The following UNC13C variants were observed in gnomAD, a reference collection of about 807,000 sequenced individuals.
UNC13C encodes the protein protein unc-13 homolog C.
In UNC13C, 174 loss-of-function variants were observed where a neutral mutation model predicts 245.4. The ratio of observed to expected loss-of-function variants is 0.71; its 90% confidence interval spans 0.63 to 0.80. The LOEUF is 0.80. Among genes scored for constraint, UNC13C ranks in the 30% least tolerant of loss-of-function variants. The pLI is 0.00. For synonymous variants in UNC13C, 992 were observed against 895.1 expected (o/e 1.11, Z -1.93); for missense variants, 2,829 against 2,602.9 (o/e 1.09, Z -1.89).
chr15:54,318,508 A>G (rs2038066799), intron 13 of UNC13C, among the ~76,000 whole-genome samples: 1 of 151,728 alleles, frequency 6.6e-6, no homozygotes, highest in Non-Finnish European at 1.5e-5. Flanking sequence ...TATACCTTTC[A>G]GCCTTTTCTG....
intron 19 of UNC13C, among the ~76,000 whole-genome samples, chr15:54,474,791 C>T (rs2414319): frequency 0.3 from 46,180 of 151,580 alleles, 7,471 homozygotes; most frequent in East Asian, 0.52. Flanking sequence ...GTACAAGAAG[C>T]ATGGTGCCAG....
intron 17 of UNC13C, among the ~76,000 whole-genome samples, chr15:54,346,236 T>C (rs567343346): frequency 6.6e-6 from 1 of 150,794 alleles, no homozygotes; most frequent in South Asian, 2.1e-4. Flanking sequence ...AAAAATAACA[T>C]TTAAAGAAAA....
chr15:54,265,317 A>T (rs1461859199), intron 9 of UNC13C, 38 bp from the exon 10 acceptor site: 3 of 1,366,668 alleles, frequency 2.2e-6, no homozygotes, highest in Non-Finnish European at 2.9e-6. Context: ...GTTTCTGAGG[A>T]CTCTGTATGT....
At chr15:54,589,497 C>T (rs965403893) in intron 30 of UNC13C, among the ~76,000 whole-genome samples, 3 of 151,652 alleles carry the variant, frequency 2.0e-5, no homozygotes, top group African/African-American at 7.3e-5. Flanking sequence ...CAGGATTTCA[C>T]CATGTTGACC....
chr15:53,895,245 T>G, the UNC13C span, among the ~76,000 whole-genome samples: 1 of 146,230 alleles, frequency 6.8e-6, no homozygotes, highest in Non-Finnish European at 1.5e-5. Flanking sequence ...GCGTCTGTAA[T>G]CCCAGTTACT....
intron 9 of UNC13C, 96 bp from the exon 10 acceptor site, chr15:54,265,259 C>T (rs1175621574): frequency 9.3e-7 from 1 of 1,077,630 alleles, no homozygotes; most frequent in East Asian, 3.0e-5. Flanking sequence ...ATCTATAAGC[C>T]CAAAGAACCA....
intron 10 of UNC13C, among the ~76,000 whole-genome samples, chr15:54,275,348 T>C (rs544632187): frequency 9.8e-5 from 15 of 152,310 alleles, no homozygotes; most frequent in Admixed American, 2.0e-4. Flanking sequence ...ATAGCATTAG[T>C]TATTAGGGAA....
intron 13 of UNC13C, chr15:54,321,204 A>ATGG (rs2038148567): frequency 2.0e-6 from 1 of 500,264 alleles, no homozygotes; most frequent in Non-Finnish European, 3.9e-6. Context: ...TGACAGCCTT[A>ATGG]TTTATGGAGC....
At chr15:54,273,530 A>C (rs1162678219) in intron 10 of UNC13C, among the ~76,000 whole-genome samples, 1 of 152,168 alleles carries the variant, frequency 6.6e-6, no homozygotes, top group Non-Finnish European at 1.5e-5. Flanking sequence ...TTTTTCAATA[A>C]TTAGCTCAGT....
chr15:54,091,803 C>G (rs1196155272), intron 2 of UNC13C, among the ~76,000 whole-genome samples: 3 of 151,886 alleles, frequency 2.0e-5, no homozygotes, highest in African/African-American at 7.3e-5. Flanking sequence ...ATTTTTGCTG[C>G]ACAGGACTTC....
At chr15:53,868,704 G>A in the UNC13C span, among the ~76,000 whole-genome samples, 1 of 152,186 alleles carries the variant, frequency 6.6e-6, no homozygotes, top group South Asian at 2.1e-4. Flanking sequence ...ATGCGGTCTG[G>A]AGGGAAAAAG....
At chr15:53,871,597 G>T in the UNC13C span, among the ~76,000 whole-genome samples, 6 of 152,260 alleles carry the variant, frequency 3.9e-5, no homozygotes, top group South Asian at 1.2e-3. Flanking sequence ...GCACAGAGTA[G>T]GTCTTTAGTA....
chr15:53,979,098 T>G (rs1217894232), intron 1 of UNC13C, among the ~76,000 whole-genome samples, 171 bp downstream of exon 1: 2 of 151,818 alleles, frequency 1.3e-5, no homozygotes, highest in Non-Finnish European at 2.9e-5. Flanking sequence ...ATGTACATGA[T>G]TCTATGGAGC....
chr15:53,942,319 G>T, the UNC13C span, among the ~76,000 whole-genome samples: 1 of 152,014 alleles, frequency 6.6e-6, no homozygotes, highest in African/African-American at 2.4e-5. Context: ...ACCAAACACC[G>T]CATGTTCTCA....
chr15:54,256,145 C>CAGTT (rs572332936), intron 8 of UNC13C, among the ~76,000 whole-genome samples: 6 of 152,136 alleles, frequency 3.9e-5, no homozygotes, highest in Non-Finnish European at 8.8e-5. Flanking sequence ...TCTGTGAAAA[C>CAGTT]AGTTAATAAT....
intron 4 of UNC13C, among the ~76,000 whole-genome samples, chr15:54,165,183 T>C (rs77827559): frequency 0.019 from 2,850 of 152,228 alleles, 72 homozygotes; most frequent in East Asian, 0.092. Context: ...AGAAATACTT[T>C]AAAGAAATAT....
chr15:53,937,677 G>A, the UNC13C span, among the ~76,000 whole-genome samples: 1 of 152,210 alleles, frequency 6.6e-6, no homozygotes, highest in Non-Finnish European at 1.5e-5. Flanking sequence ...CAGACTAACA[G>A]TGGACCTCCC....
At chr15:54,095,605 G>T (rs1899815173) in intron 2 of UNC13C, among the ~76,000 whole-genome samples, 1 of 152,148 alleles carries the variant, frequency 6.6e-6, no homozygotes, top group Non-Finnish European at 1.5e-5. Context: ...TGAATCTTAG[G>T]TCTCATCCCA....
In UNC13C at chr15:54,215,653, A is replaced by T. The variant is rs185913714; in HGVS notation, c.3072-19377A>T. On this transcript the variant is annotated intron_variant, in intron 4 of 32. Transcript: ENST00000260323. ...GAGGCCATCTTATCTTTAAAATATT[A>T]TGGCAGTTTGAATTGGGACTTTTAC... is the stretch of plus-strand genomic sequence containing the variant. 3.3e-5 allele frequency among the ~76,000 whole-genome samples: 5 copies of T among 152,064 alleles called. No individual in the cohort carries two copies. In the East Asian group the frequency reaches 9.7e-4, roughly 29 times the overall value.
Sources: allele counts gnomAD v4.1 joint callset (sites outside exome capture counted in the v4.1 genomes callset), GRCh38; gene constraint gnomAD v4.1.1; transcripts MANE v1.5; gene names NCBI Gene and HGNC (gene_info 2026-07-23, HGNC 2026-07-21).